The following PHTF2 variants were observed in gnomAD, a reference collection of about 807,000 sequenced individuals.
The protein encoded by PHTF2 is protein PHTF2.
A neutral mutation model predicts 101.2 loss-of-function variants in PHTF2; 60 were observed. The observed-to-expected ratio is 0.59, with a 90% CI of 0.48 to 0.73. The LOEUF is 0.73. PHTF2 is among the 30% of genes least tolerant of loss of function. PHTF2 has a pLI of 0.00. For missense variants in PHTF2, 747 were observed against 908.7 expected (o/e 0.82, Z 2.29); for synonymous variants, 311 against 307.3 (o/e 1.01, Z -0.13).
At chr7:77,867,741 G>A (rs578041774) in intron 3 of PHTF2, among the ~76,000 whole-genome samples, 1 of 152,314 alleles carries the variant, frequency 6.6e-6, no homozygotes, top group East Asian at 1.9e-4. Context: ...GTTGACAAGA[G>A]TATGTGAGAG....
chr7:77,914,934 A>C (rs946304269), intron 9 of PHTF2, among the ~76,000 whole-genome samples: 2 of 152,126 alleles, frequency 1.3e-5, no homozygotes, highest in Non-Finnish European at 2.9e-5. Flanking sequence ...GGGGTGGAGG[A>C]TGGAGTCTCG....
intron 7 of PHTF2, among the ~76,000 whole-genome samples, chr7:77,908,418 C>T (rs1033896924): frequency 6.6e-6 from 1 of 152,140 alleles, no homozygotes; most frequent in Non-Finnish European, 1.5e-5. Flanking sequence ...GTATGATACA[C>T]TTATCATAAG....
intron 5 of PHTF2, among the ~76,000 whole-genome samples, chr7:77,897,234 A>G (rs1182462529): frequency 6.6e-6 from 1 of 151,436 alleles, no homozygotes; most frequent in Non-Finnish European, 1.5e-5. Context: ...GATATTAACA[A>G]TACACAGAAG....
exon 5 of PHTF2, chr7:77,893,992 T>C: frequency 6.2e-7 from 1 of 1,600,662 alleles, no homozygotes; most frequent in Non-Finnish European, 8.6e-7. Context: ...TTTATTAAAC[T>C]GGTAAGTGTT....
intron 7 of PHTF2, among the ~76,000 whole-genome samples, chr7:77,903,919 A>G (rs1362546491): frequency 6.6e-6 from 1 of 152,184 alleles, no homozygotes; most frequent in African/African-American, 2.4e-5. Flanking sequence ...GTTTTATATA[A>G]CTATGTATAG....
exon 12 of PHTF2, chr7:77,929,263 A>T: frequency 1.9e-6 from 3 of 1,611,580 alleles, no homozygotes; most frequent in South Asian, 1.1e-5. Context: ...AGTGAGACAG[A>T]TGTGGAAAAT....
chr7:77,937,966 G>T, intron 13 of PHTF2, 128 bp downstream of exon 12: 1 of 360,908 alleles, frequency 2.8e-6, no homozygotes, highest in Non-Finnish European at 4.9e-6. Flanking sequence ...AAAGTTACAT[G>T]TGTGTATTTG....
At chr7:77,919,767 A>G (rs945415410) in intron 9 of PHTF2, among the ~76,000 whole-genome samples, 1 of 152,008 alleles carries the variant, frequency 6.6e-6, no homozygotes, top group Non-Finnish European at 1.5e-5. Context: ...CACTTCTTCC[A>G]TTATTTAGAA....
At chr7:77,888,796 A>G (rs756891756) in intron 3 of PHTF2, among the ~76,000 whole-genome samples, 2 of 152,174 alleles carry the variant, frequency 1.3e-5, no homozygotes, top group Non-Finnish European at 2.9e-5. Flanking sequence ...TGTCAAACTT[A>G]TGTGACTCAA....
chr7:77,798,849 G>A lies in PHTF2; in HGVS notation c.-158G>A, dbSNP rs566986780. 689 of 152,626 alleles carry A rather than the reference G, an allele frequency of 4.5e-3. 3 individuals are homozygous for A. Among genetic ancestry groups the A allele is most frequent in the African/African-American group, 0.016 (664 of 41,566 alleles). The allele number at this position is 152,626 out of a possible 1,614,324, so 9.5% of individuals were successfully genotyped here. On this transcript the variant is annotated 5_prime_UTR_variant, in exon 1 of 20. Transcript: ENST00000416283. Reference sequence around the variant, plus strand: ...GGAGAGGGGGTGGGGCAACCCTCTGGAGGCAGCGCGCCCGCGGGCAGCCTC... The same window carrying A: ...GGAGAGGGGGTGGGGCAACCCTCTGAAGGCAGCGCGCCCGCGGGCAGCCTC...
At chr7:77,909,417 C>T (rs1178845703) in intron 8 of PHTF2, 1 of 152,688 alleles carries the variant, frequency 6.5e-6, no homozygotes, top group African/African-American at 2.4e-5. Context: ...CTCCGTCACC[C>T]AGGCTGGAGT....
chr7:77,913,518 T>G (rs1311199452), intron 9 of PHTF2, among the ~76,000 whole-genome samples: 1 of 152,196 alleles, frequency 6.6e-6, no homozygotes, highest in Non-Finnish European at 1.5e-5. Flanking sequence ...TACATCTTGA[T>G]TGTGTGTCGT....
intron 16 of PHTF2, among the ~76,000 whole-genome samples, chr7:77,944,631 C>T (rs865836092): frequency 2.0e-5 from 3 of 152,086 alleles, no homozygotes; most frequent in Admixed American, 6.6e-5. Flanking sequence ...AAGCTCCTTC[C>T]GGTATCAAAA....
chr7:77,931,494 A>T (rs1190761361), intron 12 of PHTF2, among the ~76,000 whole-genome samples: 1 of 152,242 alleles, frequency 6.6e-6, no homozygotes, highest in East Asian at 1.9e-4. Flanking sequence ...CCTTGCTATT[A>T]GTTAGGGAAA....
chr7:77,898,082 C>T (rs544529614), intron 5 of PHTF2, among the ~76,000 whole-genome samples: 1 of 150,860 alleles, frequency 6.6e-6, no homozygotes, highest in African/African-American at 2.4e-5. Flanking sequence ...TGTGGCTCTA[C>T]AATATAGCTC....
At chr7:77,934,642 A>G (rs1025724831) in intron 12 of PHTF2, among the ~76,000 whole-genome samples, 1 of 152,254 alleles carries the variant, frequency 6.6e-6, no homozygotes, top group Non-Finnish European at 1.5e-5. Flanking sequence ...TTTAAGTTCT[A>G]AATTTTAGTT....
chr7:77,922,986 A>G (rs1803626531), intron 11 of PHTF2: 5 of 1,257,974 alleles, frequency 4.0e-6, no homozygotes, highest in Non-Finnish European at 5.0e-6. Flanking sequence ...ATTTGAGCTC[A>G]TTTTATGCAT....
At chr7:77,846,420 G>A (rs1796284265) in intron 2 of PHTF2, among the ~76,000 whole-genome samples, 1 of 152,164 alleles carries the variant, frequency 6.6e-6, no homozygotes, top group African/African-American at 2.4e-5. Flanking sequence ...CTTATTATGT[G>A]CCACTTTTTC....
chr7:77,953,618 C>T, intron 18 of PHTF2, 151 bp from the exon 18 acceptor site: 1 of 548,136 alleles, frequency 1.8e-6, no homozygotes. Flanking sequence ...AAATTTACTT[C>T]TTTCAAGTTT....
Sources: allele counts gnomAD v4.1 joint callset (sites outside exome capture counted in the v4.1 genomes callset), GRCh38; gene constraint gnomAD v4.1.1; transcripts MANE v1.5; gene names NCBI Gene and HGNC (gene_info 2026-07-23, HGNC 2026-07-21).